The following ADGB variants were observed in gnomAD, a reference collection of about 807,000 sequenced individuals.
The protein encoded by ADGB is androglobin, also known as calpain-7-like protein.
Under a neutral mutation model 210.5 loss-of-function variants are expected in ADGB, and 172 were observed. The observed-to-expected ratio is 0.82, with a 90% CI of 0.72 to 0.93. The LOEUF (loss-of-function observed/expected upper bound fraction) is 0.93. Among genes scored for constraint, ADGB ranks in the 40% least tolerant of loss-of-function variants. The pLI is 0.00. For synonymous variants in ADGB, 658 were observed against 662.7 expected, an observed-to-expected ratio of 0.99 and a Z score of 0.11; for missense variants, 2,025 against 1,964.8, an observed-to-expected ratio of 1.03 and a Z score of -0.58.
Position 146,724,296 on chromosome 6 carries a change from A to G in ADGB, c.2206A>G (p.Thr736Ala). The G allele has an allele frequency of 6.5e-7, 1 of 1,549,016 alleles. No homozygotes were observed. The highest frequency in any genetic ancestry group is 2.5e-5 in the East Asian group (1 of 40,784). ...SLVLKIHTYA[T>A]KATVVRLPVG... ...TGTTCTGAAGATTCACACATATGCT[A>G]CCAAGGCTACAGTGGTTCGTCTGCC... is the stretch of plus-strand genomic sequence containing the variant. The change falls in exon 18 of 36, where the codon ACC becomes GCC. Residue 736 changes from threonine (T) to alanine (A), a missense_variant. Coordinates refer to ENST00000397944, the MANE Select transcript of ADGB (RefSeq NM_024694.4).
At chr6:146,614,655 G>C (rs1372867319) in intron 1 of ADGB, among the ~76,000 whole-genome samples, 2 of 152,090 alleles carry the variant, frequency 1.3e-5, no homozygotes, top group African/African-American at 4.8e-5. Flanking sequence ...TCAAGTCAAG[G>C]TAATTAGGAT....
At chr6:146,724,753 G>A (rs1776869974) in intron 18 of ADGB, 1 of 152,012 alleles carries the variant, frequency 6.6e-6, no homozygotes, top group Non-Finnish European at 1.5e-5. Context: ...TGAGAAATAT[G>A]CATTTTCCCC....
chr6:146,815,010 T>C, intron 35 of ADGB, 22 bp from the exon 36 acceptor site: 2 of 1,522,202 alleles, frequency 1.3e-6, no homozygotes, highest in Admixed American at 4.9e-5. Flanking sequence ...ACTTATTTGT[T>C]TGGGGTTTTG....
chr6:146,760,225 G>A (rs1777465153), intron 27 of ADGB, among the ~76,000 whole-genome samples: 1 of 151,672 alleles, frequency 6.6e-6, no homozygotes, highest in Non-Finnish European at 1.5e-5. Context: ...AAATATTTCT[G>A]TTACCCAGAA....
intron 35 of ADGB, among the ~76,000 whole-genome samples, chr6:146,812,329 G>C (rs180700090): frequency 6.6e-6 from 1 of 152,218 alleles, no homozygotes; most frequent in Admixed American, 6.5e-5. Context: ...TCAATGTCTC[G>C]AGATTTGTTA....
intron 9 of ADGB, 95 bp from the exon 10 acceptor site, chr6:146,685,639 T>C (rs1776221385): frequency 5.3e-6 from 3 of 563,760 alleles, no homozygotes; most frequent in Non-Finnish European, 5.8e-6. Context: ...AGCCCGAAGA[T>C]AAATTCATTA....
intron 17 of ADGB, 43 bp downstream of exon 17, chr6:146,721,548 A>G (rs906502513): frequency 7.4e-5 from 106 of 1,423,302 alleles, no homozygotes; most frequent in Non-Finnish European, 9.8e-5. Context: ...AGCCTAGATC[A>G]TGTTCAGGCT....
chr6:146,680,738 C>A (rs1357953665), intron 9 of ADGB, among the ~76,000 whole-genome samples: 1 of 151,908 alleles, frequency 6.6e-6, no homozygotes, highest in South Asian at 2.1e-4. Context: ...CAAGATATTT[C>A]AAATAAGAAA....
intron 23 of ADGB, among the ~76,000 whole-genome samples, chr6:146,739,125 A>C (rs1054124553): frequency 4.6e-5 from 7 of 152,160 alleles, no homozygotes; most frequent in Non-Finnish European, 7.3e-5. Context: ...GGAAGACTGG[A>C]AATCACACTC....
At chr6:146,728,397 C>T (rs141110302) in intron 19 of ADGB, among the ~76,000 whole-genome samples, 177 bp from the exon 20 acceptor site, 188 of 152,238 alleles carry the variant, frequency 1.2e-3, no homozygotes, top group African/African-American at 4.3e-3. Context: ...GTAAGAATTG[C>T]GTTCCTTGTT....
At chr6:146,649,125 G>A (rs1272662156) in intron 3 of ADGB, among the ~76,000 whole-genome samples, 2 of 148,758 alleles carry the variant, frequency 1.3e-5, no homozygotes, top group Non-Finnish European at 3.0e-5. Context: ...TGAAAACTGA[G>A]ATATTAAACA....
chr6:146,685,611 C>T lies in ADGB; in HGVS notation c.1217-123C>T, dbSNP rs1776220952. The T allele has an allele frequency of 8.4e-6, 4 of 474,480 alleles. No homozygotes were observed. The South Asian group carries it at 1.3e-4, about 15-fold the overall frequency. 29.4% of individuals were successfully genotyped at this position (474,480 alleles called of 1,614,324 possible). A position where few individuals can be genotyped will look rare whatever the true frequency, so the allele number is the denominator to read the frequency against. On this transcript the variant is annotated intron_variant, in intron 9 of 35. Transcript: ENST00000397944. ...ACATCTGTTAAATTCATTTTGCATC[C>T]TTTATGTATTTTTCACCAGCCCGAA...
At chr6:146,746,413 T>C (rs547592173) in intron 26 of ADGB, among the ~76,000 whole-genome samples, 1 of 152,290 alleles carries the variant, frequency 6.6e-6, no homozygotes, top group South Asian at 2.1e-4. Context: ...CTCTGGCTAG[T>C]ATTTTGTGGG....
At chr6:146,798,578 A>G (rs1778078471) in intron 33 of ADGB, among the ~76,000 whole-genome samples, 1 of 152,172 alleles carries the variant, frequency 6.6e-6, no homozygotes, top group Non-Finnish European at 1.5e-5. Context: ...TGCTAGTTCA[A>G]TCAAGAAAGA....
At chr6:146,711,362 T>A (rs73571717) in intron 13 of ADGB, among the ~76,000 whole-genome samples, 1 of 151,934 alleles carries the variant, frequency 6.6e-6, no homozygotes, top group Non-Finnish European at 1.5e-5. Context: ...GCCTGTTGTT[T>A]TTTTTTTTTA....
intron 27 of ADGB, among the ~76,000 whole-genome samples, chr6:146,755,891 CTG>C (rs1777399639): frequency 6.6e-6 from 1 of 152,044 alleles, no homozygotes; most frequent in Non-Finnish European, 1.5e-5. Flanking sequence ...CTAGAAATAA[CTG>C]TTATTTTTCT....
chr6:146,646,504 T>C (rs1775614136), intron 3 of ADGB, among the ~76,000 whole-genome samples: 1 of 152,144 alleles, frequency 6.6e-6, no homozygotes, highest in Non-Finnish European at 1.5e-5. Context: ...TTTTATTGTG[T>C]TGAGCTATCA....
intron 35 of ADGB, among the ~76,000 whole-genome samples, chr6:146,813,577 TTC>T (rs1437760105): frequency 1.1e-4 from 17 of 152,274 alleles, no homozygotes; most frequent in Admixed American, 1.0e-3. Flanking sequence ...TGGACAGATA[TTC>T]TGTTTAGATT....
Position 146,659,496 on chromosome 6 carries a change from C to T in ADGB, c.612+2516C>T, listed in dbSNP as rs146834282. ...TATTCTTCTCCCTCATTCACTTTGT[C>T]CTGTAAAACATTTACCTTTATCACT... On this transcript the variant is annotated intron_variant, in intron 5 of 35. Coordinates refer to ENST00000397944, the MANE Select transcript of ADGB (RefSeq NM_024694.4). Among the ~76,000 whole-genome samples the T allele has an allele frequency of 5.3e-5, 8 of 152,292 alleles. No homozygotes were observed. In the East Asian group the frequency reaches 1.5e-3, roughly 29 times the overall value.
Sources: allele counts gnomAD v4.1 joint callset (sites outside exome capture counted in the v4.1 genomes callset), GRCh38; gene constraint gnomAD v4.1.1; transcripts MANE v1.5; gene names NCBI Gene and HGNC (gene_info 2026-07-23, HGNC 2026-07-21).